Variants in PTPRD observed in about 807,000 individuals in gnomAD.
PTPRD encodes receptor-type tyrosine-protein phosphatase delta.
Under a neutral mutation model 214.5 loss-of-function variants are expected in PTPRD, and 34 were observed. That is an observed-to-expected ratio of 0.16 (90% CI 0.12 to 0.21). The LOEUF (loss-of-function observed/expected upper bound fraction) is 0.21, where lower values mean the gene tolerates loss of function less well. Ranked by LOEUF, PTPRD falls within the 10% of genes least tolerant of loss-of-function variation. The pLI, the probability that PTPRD is intolerant of heterozygous loss-of-function variation, is 1.00. For missense variants in PTPRD, 2,545 were observed against 2,398.7 expected, an observed-to-expected ratio of 1.06 and a Z score of -1.27; for synonymous variants, 1,128 against 845.7, an observed-to-expected ratio of 1.33 and a Z score of -5.79.
At chr9:10,084,789 A>G (rs2098303141) in intron 3 of PTPRD, among the ~76,000 whole-genome samples, 1 of 152,000 alleles carries the variant, frequency 6.6e-6, no homozygotes. Context: ...ACAAAATTCA[A>G]TAGTAGACCA....
intron 6 of PTPRD, among the ~76,000 whole-genome samples, chr9:9,764,481 A>T (rs2098690331): frequency 6.6e-6 from 1 of 152,196 alleles, no homozygotes; most frequent in Non-Finnish European, 1.5e-5. Context: ...ATATTATCAC[A>T]TGTGCTTACA....
intron 12 of PTPRD, among the ~76,000 whole-genome samples, chr9:8,724,168 A>G (rs993147539): frequency 3.3e-5 from 5 of 152,208 alleles, no homozygotes; most frequent in African/African-American, 1.2e-4. Context: ...GTGAAATTAC[A>G]AGACTGAGTA....
chr9:9,923,879 A>G (rs1318211856), intron 5 of PTPRD, among the ~76,000 whole-genome samples: 1 of 152,030 alleles, frequency 6.6e-6, no homozygotes, highest in Non-Finnish European at 1.5e-5. Flanking sequence ...GAAGTCCAAC[A>G]GAGAAAAACA....
At chr9:9,644,376 C>T (rs1390350217) in intron 7 of PTPRD, among the ~76,000 whole-genome samples, 1 of 152,148 alleles carries the variant, frequency 6.6e-6, no homozygotes, top group African/African-American at 2.4e-5. Flanking sequence ...TAACCAGTAT[C>T]ATCAATCATG....
intron 8 of PTPRD, among the ~76,000 whole-genome samples, chr9:9,414,267 A>G (rs1401893500): frequency 6.6e-6 from 1 of 152,254 alleles, no homozygotes; most frequent in African/African-American, 2.4e-5. Flanking sequence ...CACAGAAACA[A>G]TAGCTTAAAT....
intron 12 of PTPRD, among the ~76,000 whole-genome samples, chr9:8,720,858 C>A (rs1015395170): frequency 1.3e-5 from 2 of 152,026 alleles, no homozygotes; most frequent in Non-Finnish European, 2.9e-5. Flanking sequence ...TAACTCTGGA[C>A]CTGATGCCCA....
intron 11 of PTPRD, among the ~76,000 whole-genome samples, chr9:8,903,492 G>C (rs2098686781): frequency 6.6e-6 from 1 of 152,010 alleles, no homozygotes; most frequent in Non-Finnish European, 1.5e-5. Flanking sequence ...GTATGCATTT[G>C]GATTAAATCA....
At chr9:8,539,026 A>G (rs963184108) in intron 14 of PTPRD, among the ~76,000 whole-genome samples, 7 of 152,016 alleles carry the variant, frequency 4.6e-5, no homozygotes, top group African/African-American at 1.7e-4. Context: ...AAAGAATGAA[A>G]GGTATATACT....
intron 4 of PTPRD, among the ~76,000 whole-genome samples, chr9:10,016,669 G>A (rs914597992): frequency 1.4e-5 from 2 of 142,612 alleles, no homozygotes; most frequent in Non-Finnish European, 3.2e-5. Flanking sequence ...GCCTCCTGTG[G>A]GTTGTTTTTT....
intron 11 of PTPRD, among the ~76,000 whole-genome samples, chr9:8,930,447 A>C (rs925829768): frequency 6.6e-6 from 1 of 152,112 alleles, no homozygotes; most frequent in Admixed American, 6.6e-5. Context: ...TTTATAGTAG[A>C]ATTATTTATA....
At chr9:9,733,083 C>T (rs2098227424) in intron 7 of PTPRD, among the ~76,000 whole-genome samples, 1 of 152,158 alleles carries the variant, frequency 6.6e-6, no homozygotes, top group Non-Finnish European at 1.5e-5. Context: ...TAGTAAAAGC[C>T]TGCACAATGA....
At chr9:8,771,421 A>C (rs959748237) in intron 11 of PTPRD, among the ~76,000 whole-genome samples, 1 of 152,214 alleles carries the variant, frequency 6.6e-6, no homozygotes, top group East Asian at 1.9e-4. Flanking sequence ...TAATATATCT[A>C]ACAGTAGTGC....
At position 8,801,340 on chromosome 9, in the gene PTPRD, T is replaced by A. The variant is rs183595496; in HGVS notation, c.-103-67394A>T. On this transcript the variant is annotated intron_variant, in intron 11 of 45. Coordinates refer to ENST00000381196, the MANE Select transcript of PTPRD (RefSeq NM_002839.4). ...TGGAATTAAAAATGGAGCTTAGATA[T>A]TTGTTTCACTGATGTTTAGGTAACA... 1.2e-3 allele frequency among the ~76,000 whole-genome samples: 185 copies of A among 152,346 alleles called. 2 individuals carry two copies. The South Asian group carries it at 0.013, about 11-fold the overall frequency.
intron 8 of PTPRD, among the ~76,000 whole-genome samples, chr9:9,487,047 T>C (rs1010571966): frequency 1.3e-5 from 2 of 152,130 alleles, no homozygotes; most frequent in Non-Finnish European, 2.9e-5. Flanking sequence ...AACCAGTCAT[T>C]ACTCATTTTC....
intron 35 of PTPRD, among the ~76,000 whole-genome samples, chr9:8,431,491 G>A (rs1013461598): frequency 6.6e-6 from 1 of 152,140 alleles, no homozygotes. Context: ...AGAATTTCTA[G>A]GGGCTGCAGT....
chr9:9,574,560 T>A (rs1057011163), intron 8 of PTPRD, among the ~76,000 whole-genome samples, 172 bp downstream of exon 8: 3 of 152,050 alleles, frequency 2.0e-5, no homozygotes, highest in African/African-American at 7.2e-5. Context: ...ATTACTATAA[T>A]CTATCCAAGA....
At chr9:10,434,486 C>A (rs1359882060) in intron 2 of PTPRD, among the ~76,000 whole-genome samples, 1 of 151,818 alleles carries the variant, frequency 6.6e-6, no homozygotes, top group African/African-American at 2.4e-5. Flanking sequence ...TTTATTCTAG[C>A]AACCTAAATA....
chr9:10,038,821 T>C lies in PTPRD; in HGVS notation c.-544-5031A>G, dbSNP rs72692794. Among the ~76,000 whole-genome samples the C allele has an allele frequency of 6.9e-3, 1,046 of 152,194 alleles. 8 individuals carry two copies. Among genetic ancestry groups the C allele is most frequent in the Non-Finnish European group, 0.012 (816 of 67,960 alleles). On this transcript the variant is annotated intron_variant, in intron 3 of 45. Coordinates refer to ENST00000381196, the MANE Select transcript of PTPRD (RefSeq NM_002839.4). ...GGTATAAAATGTTGTATTATTATTG[T>C]ATCTATTCCCTCCCCTCAATCCCTA... is the stretch of plus-strand genomic sequence containing the variant.
At chr9:8,391,223 T>G (rs2089431554) in intron 36 of PTPRD, among the ~76,000 whole-genome samples, 1 of 152,176 alleles carries the variant, frequency 6.6e-6, no homozygotes, top group Non-Finnish European at 1.5e-5. Flanking sequence ...TGACTTTGAC[T>G]GCTTTTCTGA....
Sources: gnomAD v4.1 joint callset for allele counts (sites outside exome capture counted in the v4.1 genomes callset) on GRCh38, gnomAD v4.1.1 for gene constraint, MANE v1.5 for transcripts, NCBI Gene and HGNC (gene_info 2026-07-23, HGNC 2026-07-21) for gene names.